Variants in USP6NL observed in about 807,000 individuals in gnomAD.
USP6NL encodes the protein USP6 N-terminal like.
Under a neutral mutation model 61.9 loss-of-function variants are expected in USP6NL, and 26 were observed. The ratio of observed to expected loss-of-function variants is 0.42; its 90% confidence interval spans 0.31 to 0.58. The LOEUF is 0.58. USP6NL is among the 20% of genes least tolerant of loss of function. The pLI, the probability that USP6NL is intolerant of heterozygous loss-of-function variation, is 0.16. For missense variants in USP6NL, 1,114 were observed against 1,034.3 expected (o/e 1.08, Z -1.06); for synonymous variants, 432 against 390.1 (o/e 1.11, Z -1.27).
At chr10:11,475,011 C>T (rs1359874640) in intron 14 of USP6NL, among the ~76,000 whole-genome samples, 1 of 152,158 alleles carries the variant, frequency 6.6e-6, no homozygotes, top group Admixed American at 6.5e-5. Context: ...TGAGAAAAAT[C>T]TTTGATTCTT....
chr10:11,560,560 TA>T (rs1836886706), intron 2 of USP6NL, among the ~76,000 whole-genome samples: 1 of 151,498 alleles, frequency 6.6e-6, no homozygotes, highest in African/African-American at 2.4e-5. Context: ...TAACTTTCTC[TA>T]AAAGAGGAAG....
At chr10:11,534,917 C>T (rs543444707) in intron 2 of USP6NL, among the ~76,000 whole-genome samples, 5 of 152,314 alleles carry the variant, frequency 3.3e-5, no homozygotes, top group African/African-American at 1.2e-4. Context: ...AACCTAAGCC[C>T]CCACTTTCTA....
In USP6NL at chr10:11,589,232, G is replaced by A. The variant is rs1328535717; in HGVS notation, c.4+8399C>T. Among the ~76,000 whole-genome samples, 1 of 152,146 alleles carries A rather than the reference G, an allele frequency of 6.6e-6. No individual in the cohort carries two copies. The highest frequency in any genetic ancestry group is 1.9e-4 in the East Asian group (1 of 5,202). ...AATACATCCTACTAGTCACATTATA[G>A]TGGTCTGAATTAACCACTTAGCATG... is the stretch of plus-strand genomic sequence containing the variant. On this transcript the variant is annotated intron_variant, in intron 2 of 14. Transcript: ENST00000609104. The surrounding 1 kb of genome is among the most constrained non-coding windows in gnomAD (Gnocchi z 4.7).
Position 11,555,451 on chromosome 10 carries a change from T to TATATAGAGAGAGAG in USP6NL, c.5-27885_5-27884insCTCTCTCTCTATAT, listed in dbSNP as rs1427219382. Among the ~76,000 whole-genome samples the TATATAGAGAGAGAG allele has an allele frequency of 4.9e-5, 3 of 61,000 alleles. No individual in the cohort carries two copies. In the East Asian group the frequency reaches 2.9e-3, roughly 59 times the overall value. The allele number at this position is 61,000 out of a possible 152,430, so 40.0% of individuals were successfully genotyped here. A position where few individuals can be genotyped will look rare whatever the true frequency, so the allele number is the denominator to read the frequency against. On this transcript the variant is annotated intron_variant, in intron 2 of 14. Transcript: ENST00000609104. The stretch of plus-strand genomic sequence containing the variant: ...AAAAAAAAATATATATATATATATA[T>TATATAGAGAGAGAG]AGAGAGAGAGAGAGAGAGAAAGAGA...
rs1395619751 is a variant in USP6NL, at chr10:11,591,794, C to T, written c.4+5837G>A. On this transcript the variant is annotated intron_variant, in intron 2 of 14. Transcript: ENST00000609104. This position sits in a 1 kb window ranked among gnomAD's most constrained non-coding sequence, Gnocchi z 4.7. ...ATATATAAGAAAAGAATGTAAACCA[C>T]CTCCCAAAAAATTTTTAACTTAAAT... Among the ~76,000 whole-genome samples, 2 of 152,082 alleles carry T rather than the reference C, an allele frequency of 1.3e-5. No individual in the cohort carries two copies. Among genetic ancestry groups the T allele is most frequent in the African/African-American group, 4.8e-5 (2 of 41,416 alleles).
chr10:11,494,505 A>G (rs1461996107), intron 7 of USP6NL, among the ~76,000 whole-genome samples: 5 of 152,196 alleles, frequency 3.3e-5, no homozygotes, highest in African/African-American at 9.7e-5. Context: ...AAATAAAGAC[A>G]CAAGACAAAG....
At chr10:11,545,405 C>T (rs966743239) in intron 2 of USP6NL, among the ~76,000 whole-genome samples, 1 of 152,194 alleles carries the variant, frequency 6.6e-6, no homozygotes, top group Non-Finnish European at 1.5e-5. Flanking sequence ...ACTTTCTTCC[C>T]CAGCAGGCCA....
chr10:11,488,194 T>C (rs1341529395), intron 10 of USP6NL, among the ~76,000 whole-genome samples: 1 of 152,146 alleles, frequency 6.6e-6, no homozygotes, highest in Non-Finnish European at 1.5e-5. Context: ...GGAGGTTCAC[T>C]TGAGTCCAGG....
At chr10:11,552,422 T>G (rs924205186) in intron 2 of USP6NL, among the ~76,000 whole-genome samples, 3 of 152,218 alleles carry the variant, frequency 2.0e-5, no homozygotes, top group African/African-American at 7.2e-5. Context: ...TAAAGCTGCT[T>G]TAAGCTGAAT....
chr10:11,568,880 AG>A (rs1300728105), intron 2 of USP6NL, among the ~76,000 whole-genome samples: 1 of 152,248 alleles, frequency 6.6e-6, no homozygotes. Flanking sequence ...AGAAATCCTC[AG>A]CAGGCTTTTG....
At chr10:11,610,863 C>T (rs1476273590) in intron 1 of USP6NL, among the ~76,000 whole-genome samples, 1 of 152,104 alleles carries the variant, frequency 6.6e-6, no homozygotes, top group Non-Finnish European at 1.5e-5. Flanking sequence ...AGCAGTAAAA[C>T]ACCTGCGAGG....
Position 11,463,333 on chromosome 10 carries a change from G to A in USP6NL, c.1595C>T (p.Pro532Leu). ...PAEVRVSNVR[P>L]KMKALDAEDG... ...CTCAGCATCCAGGGCCTTCATCTTTGGCCGCACGTTTGACACCCGCACCTC... is the reference window on the plus strand; with the variant it reads ...CTCAGCATCCAGGGCCTTCATCTTTAGCCGCACGTTTGACACCCGCACCTC... Residue 532 changes from proline (P) to leucine (L), a missense_variant, in exon 15 of 15, where the codon CCA (proline) becomes CTA (leucine). By Grantham distance (98) the Pro-to-Leu change is moderately conservative. Transcript: ENST00000609104. This position sits in a 1 kb window ranked among gnomAD's most constrained non-coding sequence, Gnocchi z 6.3. 6.2e-7 allele frequency: 1 copy of A among 1,613,920 alleles called. No individual in the cohort carries two copies. Among genetic ancestry groups the A allele is most frequent in the Non-Finnish European group, 8.5e-7 (1 of 1,179,880 alleles).
intron 7 of USP6NL, 67 bp downstream of exon 7, chr10:11,501,034 T>C (rs916863995): frequency 2.6e-5 from 32 of 1,254,656 alleles, no homozygotes; most frequent in Admixed American, 1.6e-4. Flanking sequence ...TTATGTCACC[T>C]TGAATGCTAA....
At chr10:11,522,669 T>C (rs773577278) in intron 4 of USP6NL, among the ~76,000 whole-genome samples, 4 of 152,246 alleles carry the variant, frequency 2.6e-5, no homozygotes, top group Non-Finnish European at 4.4e-5. Flanking sequence ...AGTACCAATC[T>C]ACTTTATTTT....
At position 11,482,251 on chromosome 10, in the gene USP6NL, A is replaced by G. The variant is rs1309252572; in HGVS notation, c.926-329T>C. On this transcript the variant is annotated intron_variant, in intron 13 of 14. Coordinates refer to ENST00000609104, the MANE Select transcript of USP6NL (RefSeq NM_014688.5). This position sits in a 1 kb window ranked among gnomAD's most constrained non-coding sequence, Gnocchi z 4.0. ...TCTTAGAGACAGACACAGAAAGACTACCTCAGCCGGCATGAGGCCTTTCTC... is the reference window on the plus strand; with the variant it reads ...TCTTAGAGACAGACACAGAAAGACTGCCTCAGCCGGCATGAGGCCTTTCTC... Among the ~76,000 whole-genome samples the G allele has an allele frequency of 2.0e-5, 3 of 152,188 alleles. No homozygotes were observed. The highest frequency in any genetic ancestry group is 4.4e-5 in the Non-Finnish European group (3 of 68,030).
At chr10:11,529,104 T>TTACA (rs1835539454) in intron 2 of USP6NL, among the ~76,000 whole-genome samples, 1 of 152,058 alleles carries the variant, frequency 6.6e-6, no homozygotes. Flanking sequence ...AAAATAAGAC[T>TTACA]TACAGATTGC....
intron 4 of USP6NL, among the ~76,000 whole-genome samples, chr10:11,522,564 T>C (rs535707643): frequency 6.6e-6 from 1 of 152,344 alleles, no homozygotes; most frequent in South Asian, 2.1e-4. Context: ...TACCCTAATA[T>C]CCATTTCTAT....
chr10:11,502,347 T>C (rs1288032290), intron 6 of USP6NL, among the ~76,000 whole-genome samples: 1 of 152,062 alleles, frequency 6.6e-6, no homozygotes, highest in Non-Finnish European at 1.5e-5. Flanking sequence ...TTAAGTTCAA[T>C]ACACCTCTCC....
chr10:11,590,003 G>A (rs1208323738), intron 2 of USP6NL, among the ~76,000 whole-genome samples: 2 of 152,100 alleles, frequency 1.3e-5, no homozygotes, highest in East Asian at 3.8e-4. Context: ...ATAACCCATA[G>A]GAGAAGTTTT....
Sources: gnomAD v4.1 joint callset for allele counts (sites outside exome capture counted in the v4.1 genomes callset) on GRCh38, gnomAD v4.1.1 for gene constraint, Gnocchi (gnomAD v3.1) non-coding constraint, MANE v1.5 for transcripts, NCBI Gene and HGNC (gene_info 2026-07-23, HGNC 2026-07-21) for gene names.